BRSK2: variants seen among roughly 807,000 people sequenced by gnomAD.
BRSK2 encodes BR serine/threonine kinase 2.
In BRSK2, 19 loss-of-function variants were observed where a neutral mutation model predicts 83.3. The ratio of observed to expected loss-of-function variants is 0.23; its 90% CI spans 0.16 to 0.33. The LOEUF is 0.33. Among genes scored for constraint, BRSK2 ranks in the 10% least tolerant of loss-of-function variants. The probability of loss-of-function intolerance (pLI) is 1.00; values close to 1 mark genes in which losing one functional copy is unlikely to be tolerated. For missense variants in BRSK2, 798 were observed against 1,042.3 expected (o/e 0.77, Z 3.23); for synonymous variants, 519 against 435.4 (o/e 1.19, Z -2.39).
At chr11:1,459,844 C>T (rs1050863017) in intron 19 of BRSK2, among the ~76,000 whole-genome samples, 6 of 152,184 alleles carry the variant, frequency 3.9e-5, no homozygotes, top group South Asian at 2.1e-4. Flanking sequence ...CATGCTTGTC[C>T]ACCCATCTGT....
chr11:1,452,050 G>A (rs1489344401), intron 15 of BRSK2, among the ~76,000 whole-genome samples: 1 of 152,170 alleles, frequency 6.6e-6, no homozygotes, highest in Non-Finnish European at 1.5e-5. Flanking sequence ...GGCGACTGGC[G>A]GTGTACACAT....
At chr11:1,411,575 G>C in intron 1 of BRSK2, 5 of 1,583,484 alleles carry the variant, frequency 3.2e-6, no homozygotes, top group Non-Finnish European at 4.3e-6. Flanking sequence ...AGCTGCTCCA[G>C]CCGCACCTCC....
At chr11:1,422,075 G>A (rs1848686849) in intron 1 of BRSK2, among the ~76,000 whole-genome samples, 3 of 152,142 alleles carry the variant, frequency 2.0e-5, no homozygotes, top group African/African-American at 4.8e-5. Flanking sequence ...CTGCATCATC[G>A]GGTGTATTCG....
intron 16 of BRSK2, 47 bp from the exon 17 acceptor site, chr11:1,456,301 G>A: frequency 6.7e-7 from 1 of 1,502,774 alleles, no homozygotes; most frequent in Non-Finnish European, 8.9e-7. Context: ...GAGGGCCAGG[G>A]TGGGACCTGC....
chr11:1,397,724 T>A (rs1846214452), intron 1 of BRSK2, among the ~76,000 whole-genome samples: 1 of 152,168 alleles, frequency 6.6e-6, no homozygotes, highest in South Asian at 2.1e-4. Context: ...TGAGCTTGGG[T>A]CCTGTCTGCC....
intron 15 of BRSK2, chr11:1,453,978 G>A (rs1383792231): frequency 6.5e-6 from 1 of 154,452 alleles, no homozygotes; most frequent in Non-Finnish European, 1.4e-5. Context: ...GGAGAGCAGA[G>A]GGCCTCTGCA....
chr11:1,410,888 C>CGGCCCTTTT (rs1240136252), intron 1 of BRSK2: 2 of 986,048 alleles, frequency 2.0e-6, no homozygotes, highest in Non-Finnish European at 2.4e-6. Context: ...GGGCCTTCGA[C>CGGCCCTTTT]GGCCCTTTTG....
At chr11:1,439,461 C>A (rs1370804604) in intron 3 of BRSK2, among the ~76,000 whole-genome samples, 2 of 150,768 alleles carry the variant, frequency 1.3e-5, no homozygotes, top group African/African-American at 2.4e-5. Flanking sequence ...TGGACTGTGA[C>A]AAGGGGCATG....
chr11:1,401,811 G>A (rs1006436180), intron 1 of BRSK2, among the ~76,000 whole-genome samples: 1 of 152,250 alleles, frequency 6.6e-6, no homozygotes, highest in African/African-American at 2.4e-5. Context: ...GAAGTCTGCA[G>A]CTTCCTCCTC....
intron 1 of BRSK2, chr11:1,409,957 C>A (rs567736601): frequency 2.6e-4 from 18 of 69,986 alleles, no homozygotes; most frequent in African/African-American, 9.2e-4. Flanking sequence ...CGGTGACGGT[C>A]GCAGAGTCTG....
intron 18 of BRSK2, among the ~76,000 whole-genome samples, chr11:1,457,286 C>T (rs532987378): frequency 1.3e-5 from 2 of 152,304 alleles, no homozygotes; most frequent in East Asian, 3.9e-4. Flanking sequence ...CGCGGGCTGC[C>T]TGACGGGCTG....
intron 1 of BRSK2, among the ~76,000 whole-genome samples, chr11:1,425,084 T>C (rs1314732583): frequency 6.6e-6 from 1 of 152,214 alleles, no homozygotes; most frequent in Non-Finnish European, 1.5e-5. Flanking sequence ...TGGTCCTGAG[T>C]GCTGCCCCGA....
intron 1 of BRSK2, among the ~76,000 whole-genome samples, chr11:1,414,152 A>G (rs1329795652): frequency 6.6e-6 from 1 of 152,246 alleles, no homozygotes; most frequent in Non-Finnish European, 1.5e-5. Context: ...TTCTGTACGA[A>G]CTAGGATTTG....
chr11:1,422,373 G>C (rs1009616721), intron 1 of BRSK2, among the ~76,000 whole-genome samples: 2 of 152,146 alleles, frequency 1.3e-5, no homozygotes, highest in African/African-American at 4.8e-5. Context: ...TCTGGGGAGG[G>C]GTGGGGGTCC....
intron 1 of BRSK2, among the ~76,000 whole-genome samples, chr11:1,419,200 G>A (rs1391531886): frequency 4.0e-5 from 6 of 150,560 alleles, no homozygotes; most frequent in African/African-American, 1.5e-4. Flanking sequence ...TGCGTGTCAG[G>A]TGTGAGTCTG....
intron 12 of BRSK2, among the ~76,000 whole-genome samples, chr11:1,446,892 G>A (rs548652855): frequency 4.9e-4 from 75 of 152,270 alleles, no homozygotes; most frequent in African/African-American, 1.7e-3. Context: ...TCCTTGTACT[G>A]GAGATGTGGG....
At chr11:1,439,525 C>T (rs530775404) in intron 3 of BRSK2, among the ~76,000 whole-genome samples, 6 of 109,528 alleles carry the variant, frequency 5.5e-5, no homozygotes, top group Middle Eastern at 4.0e-3. Context: ...GAGGCCTTCT[C>T]GGAGGGGAGG....
At chr11:1,420,638 T>C (rs1424913559) in intron 1 of BRSK2, among the ~76,000 whole-genome samples, 1 of 152,128 alleles carries the variant, frequency 6.6e-6, no homozygotes, top group Admixed American at 6.5e-5. Context: ...CCCCAAGTCC[T>C]ATCTCCACCC....
chr11:1,441,045 A>G lies in BRSK2; in HGVS notation c.413+117A>G. ...CCCCTATGGTGCTATTCCGAGGTAC[A>G]CCATGCCCCCCATTAGCTGCCCCTC... On this transcript the variant is annotated intron_variant, in intron 4 of 19. Transcript: ENST00000528841. 4.6e-6 allele frequency: 4 copies of G among 868,520 alleles called. No homozygotes were observed. In the South Asian group the frequency reaches 5.2e-5, roughly 11 times the overall value. The allele number at this position is 868,520 out of a possible 1,614,324, so 53.8% of individuals were successfully genotyped here.
Sources: gnomAD v4.1 joint callset for allele counts (sites outside exome capture counted in the v4.1 genomes callset) on GRCh38, gnomAD v4.1.1 for gene constraint, MANE v1.5 for transcripts, NCBI Gene and HGNC (gene_info 2026-07-23, HGNC 2026-07-21) for gene names.